DPYSL5: variants seen among roughly 807,000 people sequenced by gnomAD.
DPYSL5 encodes the protein dihydropyrimidinase like 5.
In DPYSL5, 9 loss-of-function variants were observed where a neutral mutation model predicts 58.4. That is an observed-to-expected ratio of 0.15 (90% confidence interval 0.09 to 0.27). The LOEUF is 0.27. Among genes scored for constraint, DPYSL5 ranks in the 10% least tolerant of loss-of-function variants. The pLI, the probability that DPYSL5 is intolerant of heterozygous loss-of-function variation, is 1.00. For synonymous variants in DPYSL5, 293 were observed against 301.9 expected (o/e 0.97, Z 0.31); for missense variants, 499 against 770.6 (o/e 0.65, Z 4.17).
intron 3 of DPYSL5, among the ~76,000 whole-genome samples, chr2:26,926,512 T>G (rs191846811): frequency 6.6e-6 from 1 of 152,318 alleles, no homozygotes; most frequent in East Asian, 1.9e-4. Flanking sequence ...ATGTTTCTAA[T>G]TATAGATGTG....
intron 2 of DPYSL5, among the ~76,000 whole-genome samples, chr2:26,904,627 G>A (rs562914366): frequency 6.6e-6 from 1 of 152,338 alleles, no homozygotes; most frequent in South Asian, 2.1e-4. Context: ...AACGTGCCAG[G>A]CGCTGTGGCT....
chr2:26,860,848 A>C (rs1033758611), intron 1 of DPYSL5, among the ~76,000 whole-genome samples: 4 of 152,224 alleles, frequency 2.6e-5, no homozygotes, highest in Non-Finnish European at 5.9e-5. Flanking sequence ...TTAAATATGC[A>C]TAGACCATCC....
At chr2:26,919,614 A>T (rs1044280477) in intron 2 of DPYSL5, among the ~76,000 whole-genome samples, 2 of 152,220 alleles carry the variant, frequency 1.3e-5, no homozygotes, top group East Asian at 3.8e-4. Context: ...GGCTGGACAG[A>T]TTTTTTTAAA....
chr2:26,907,054 A>G (rs946238273), intron 2 of DPYSL5, among the ~76,000 whole-genome samples: 5 of 152,154 alleles, frequency 3.3e-5, no homozygotes, highest in Admixed American at 2.0e-4. Flanking sequence ...GGCGTCAGCC[A>G]TCATGCTCAG....
chr2:26,884,492 A>C (rs746666596), intron 1 of DPYSL5, among the ~76,000 whole-genome samples: 2 of 150,448 alleles, frequency 1.3e-5, no homozygotes, highest in Admixed American at 1.3e-4. Context: ...GTGAACACAC[A>C]TCAACGCACA....
chr2:26,937,763 T>C (rs965373126), intron 8 of DPYSL5, among the ~76,000 whole-genome samples: 2 of 151,886 alleles, frequency 1.3e-5, no homozygotes, highest in African/African-American at 4.8e-5. Context: ...TGTTTGTTTG[T>C]TTGTTTGTTT....
intron 1 of DPYSL5, among the ~76,000 whole-genome samples, chr2:26,858,706 G>A (rs1360586710): frequency 1.3e-5 from 2 of 149,816 alleles, no homozygotes; most frequent in Non-Finnish European, 3.0e-5. Flanking sequence ...TGGGACCACA[G>A]GTGCAGGTGG....
intron 1 of DPYSL5, among the ~76,000 whole-genome samples, chr2:26,862,919 G>T (rs1471658971): frequency 2.0e-5 from 3 of 152,138 alleles, no homozygotes; most frequent in Non-Finnish European, 4.4e-5. Context: ...GCCTGCCCCT[G>T]GTGTTTTTGT....
chr2:26,928,887 G>A (rs571306618), intron 5 of DPYSL5, among the ~76,000 whole-genome samples: 143 of 151,494 alleles, frequency 9.4e-4, no homozygotes, highest in Admixed American at 2.0e-3. Context: ...TGAATCAAGA[G>A]ACAAAAGACA....
At chr2:26,900,120 C>G (rs1664119303) in intron 2 of DPYSL5, among the ~76,000 whole-genome samples, 1 of 152,176 alleles carries the variant, frequency 6.6e-6, no homozygotes, top group Non-Finnish European at 1.5e-5. Flanking sequence ...CACAGAATTA[C>G]CCCATTGAAT....
At chr2:26,888,566 G>A (rs377612608) in intron 1 of DPYSL5, among the ~76,000 whole-genome samples, 163 of 152,188 alleles carry the variant, frequency 1.1e-3, no homozygotes, top group African/African-American at 3.5e-3. Context: ...GCGAGCCACC[G>A]TGCTCAGCCA....
chr2:26,946,810 C>T, intron 12 of DPYSL5, 100 bp from the exon 13 acceptor site: 1 of 825,308 alleles, frequency 1.2e-6, no homozygotes, highest in Non-Finnish European at 2.0e-6. Context: ...TGTGAGGATT[C>T]ACTCAGGCCA....
chr2:26,936,121 G>A (rs1268456641), intron 8 of DPYSL5, among the ~76,000 whole-genome samples: 1 of 152,168 alleles, frequency 6.6e-6, no homozygotes. Flanking sequence ...GGTGAGGAGA[G>A]GGTATGGAAG....
rs1431286542 is a variant in DPYSL5 at position 26,920,467 on chromosome 2, CAAAAAT to C, written c.262-4417_262-4412del. On this transcript the variant is annotated intron_variant, in intron 2 of 12. Coordinates refer to ENST00000288699, the MANE Select transcript of DPYSL5 (RefSeq NM_020134.4). The stretch of plus-strand genomic sequence containing the variant: ...ATAAATTCCTCAGAATCTCATCACT[CAAAAAT>C]AACCATTGTTGGCCAGGCGTGGTGG... 7.9e-5 allele frequency among the ~76,000 whole-genome samples: 12 copies of C among 152,150 alleles called. 1 individual carries two copies. The highest frequency in any genetic ancestry group is 2.9e-4 in the African/African-American group (12 of 41,428).
At chr2:26,892,665 TA>T (rs564372676) in intron 1 of DPYSL5, among the ~76,000 whole-genome samples, 289 of 108,772 alleles carry the variant, frequency 2.7e-3, no homozygotes, top group African/African-American at 3.7e-3. Context: ...CATAGAGAAC[TA>T]AAAAAAAAAA....
intron 2 of DPYSL5, among the ~76,000 whole-genome samples, chr2:26,910,384 T>C (rs192513626): frequency 2.8e-3 from 424 of 152,288 alleles, no homozygotes; most frequent in African/African-American, 9.8e-3. Context: ...CCACTTGTTG[T>C]GGTCAGTCTT....
intron 1 of DPYSL5, among the ~76,000 whole-genome samples, chr2:26,855,616 G>A (rs1665860583): frequency 6.6e-6 from 1 of 152,306 alleles, no homozygotes; most frequent in African/African-American, 2.4e-5. Context: ...CTGTGAATGT[G>A]TGTCTCCCAC....
chr2:26,895,954 A>G (rs531160886), intron 1 of DPYSL5, among the ~76,000 whole-genome samples: 10 of 151,416 alleles, frequency 6.6e-5, no homozygotes, highest in South Asian at 4.2e-4. Flanking sequence ...TAGTTCTTGT[A>G]TTTTTAGTAG....
intron 2 of DPYSL5, among the ~76,000 whole-genome samples, chr2:26,922,881 A>G (rs1167746748): frequency 6.6e-6 from 1 of 152,154 alleles, no homozygotes; most frequent in Non-Finnish European, 1.5e-5. Flanking sequence ...TGCAGGTGCC[A>G]CAGAACTACC....
Sources: allele counts gnomAD v4.1 joint callset (sites outside exome capture counted in the v4.1 genomes callset), GRCh38; gene constraint gnomAD v4.1.1; transcripts MANE v1.5; gene names NCBI Gene and HGNC (gene_info 2026-07-23, HGNC 2026-07-21).